The following TACC2 variants were observed in gnomAD, a reference collection of about 807,000 sequenced individuals.
The protein encoded by TACC2 is transforming acidic coiled-coil-containing protein 2.
Under a neutral mutation model 227.3 loss-of-function variants are expected in TACC2, and 137 were observed. The observed-to-expected ratio is 0.60, with a 90% CI of 0.52 to 0.69. TACC2 has a LOEUF of 0.69. TACC2 is among the 30% of genes least tolerant of loss of function. The pLI is 0.00. For missense variants in TACC2, 3,470 were observed against 3,694.4 expected (o/e 0.94, Z 1.57); for synonymous variants, 1,523 against 1,487.5 (o/e 1.02, Z -0.55).
In TACC2 at chr10:122,087,107, C is replaced by T. The variant is rs77105181; in HGVS notation, c.4607C>T (p.Ala1536Val). Residue 1536 changes from alanine to valine, a missense_variant, in exon 4 of 23, where the codon GCA becomes GTA. Ala to Val is a moderately conservative substitution (Grantham distance 64). This residue lies in a region of TACC2 where 1,924 missense variants were observed against 1,978.3 expected (regional missense o/e 0.97). Coordinates refer to ENST00000369005, the MANE Select transcript of TACC2 (RefSeq NM_206862.4). ...REDERPEGPG[A>V]AWPGLEGQAY... ...GACGAGAGGCCAGAGGGGCCTGGGG[C>T]AGCCTGGCCAGGCCTGGAAGGCCAG... 1.2e-3 allele frequency: 1,894 copies of T among 1,609,668 alleles called. 16 individuals are homozygous for T. In the African/African-American group the frequency reaches 0.023, roughly 19 times the overall value.
At chr10:122,216,231 C>T (rs940577442) in intron 10 of TACC2, among the ~76,000 whole-genome samples, 2 of 152,128 alleles carry the variant, frequency 1.3e-5, no homozygotes, top group Admixed American at 1.3e-4. Flanking sequence ...TAAGATCCCC[C>T]TTTTTCTGCC....
At position 122,087,617 on chromosome 10, in the gene TACC2, AG is replaced by A; in HGVS notation, c.5120del (p.Gly1707ValfsTer5). On this transcript the variant is annotated frameshift_variant, in exon 4 of 23. Transcript: ENST00000369005. LOFTEE classifies it high-confidence loss of function. Reference protein sequence around the residue: ...GKVAGAAGEAEGDITLSTAET... With the variant: ...GKVAGAAGEAXGDITLSTAET... ...GTGGCAGGCGCTGCTGGGGAAGCAG[AG>A]GGTGACATCACCCTGAGCACAGCTG... is the stretch of plus-strand genomic sequence containing the variant. The A allele has an allele frequency of 1.9e-6, 3 of 1,613,562 alleles. No individual in the cohort carries two copies. The highest frequency in any genetic ancestry group is 1.1e-5 in the South Asian group (1 of 91,084).
rs187293678 is a variant in TACC2, at chr10:122,135,433, G to A, written c.5699+2699G>A. On this transcript the variant is annotated intron_variant, in intron 6 of 22. Transcript: ENST00000369005. ...AGTTTCATGGCCTTATCTCCTTATGGAAAGACTCAGAACTCTGGGCAGAAT... is the reference window on the plus strand; with the variant it reads ...AGTTTCATGGCCTTATCTCCTTATGAAAAGACTCAGAACTCTGGGCAGAAT... 2.0e-4 allele frequency among the ~76,000 whole-genome samples: 30 copies of A among 152,316 alleles called. 1 individual carries two copies. In the East Asian group the frequency reaches 5.6e-3, roughly 28 times the overall value.
At position 122,230,435 on chromosome 10, in the gene TACC2, G is replaced by A; in HGVS notation, c.8122G>A (p.Ala2708Thr). The stretch of plus-strand genomic sequence containing the variant: ...TTTGGCTTCCCGCAGCCACCAGGAT[G>A]CCAAGGTACCGGTTTGCTGCTGCGT... ...IALASRSHQD[A>T]KREAAHPTDV... Residue 2708 changes from alanine (A) to threonine (T), a missense_variant, in exon 16 of 23, where the codon GCC (alanine) becomes ACC (threonine). By Grantham distance (58) the Ala-to-Thr change is moderately conservative (BLOSUM62 0). Transcript: ENST00000369005. 3 of 1,614,112 alleles carry A rather than the reference G, an allele frequency of 1.9e-6. No homozygotes were observed. The highest frequency in any genetic ancestry group is 2.5e-6 in the Non-Finnish European group (3 of 1,180,012).
At chr10:122,042,095 G>A (rs1170088100) in intron 2 of TACC2, among the ~76,000 whole-genome samples, 3 of 152,046 alleles carry the variant, frequency 2.0e-5, no homozygotes, top group African/African-American at 4.8e-5. Flanking sequence ...ACAGGCGCCC[G>A]CGACCACGCC....
intron 2 of TACC2, among the ~76,000 whole-genome samples, chr10:122,038,079 G>A (rs902066184): frequency 4.6e-5 from 7 of 152,116 alleles, no homozygotes; most frequent in African/African-American, 7.2e-5. Context: ...GCAACATGGC[G>A]AGACCCCTGT....
chr10:122,120,059 C>T (rs576047466), intron 5 of TACC2, among the ~76,000 whole-genome samples: 1 of 152,156 alleles, frequency 6.6e-6, no homozygotes, highest in South Asian at 2.1e-4. Context: ...CCAAAGGATG[C>T]GGAAACAACA....
rs140506481 is a variant in TACC2, at chr10:122,070,056, TAC to T, written c.147-12589_147-12588del. On this transcript the variant is annotated intron_variant, in intron 3 of 22. Coordinates refer to ENST00000369005, the MANE Select transcript of TACC2 (RefSeq NM_206862.4). ...TTTCCCCAGTTTAGATTAATGGGATTACAGAGAGACGATCTCAACAAAATAGA... is the reference window on the plus strand; with the variant it reads ...TTTCCCCAGTTTAGATTAATGGGATTAGAGAGACGATCTCAACAAAATAGA... Among the ~76,000 whole-genome samples, 649 of 152,330 alleles carry T rather than the reference TAC, an allele frequency of 4.3e-3. 5 individuals are homozygous for T. Among genetic ancestry groups the T allele is most frequent in the African/African-American group, 0.015 (629 of 41,572 alleles).
At chr10:122,143,257 A>C (rs1053036860) in intron 6 of TACC2, among the ~76,000 whole-genome samples, 5 of 152,186 alleles carry the variant, frequency 3.3e-5, no homozygotes, top group Non-Finnish European at 7.3e-5. Flanking sequence ...CTCTCCTCTA[A>C]ACAAAAATCA....
At chr10:122,216,454 T>C (rs748493389) in intron 10 of TACC2, among the ~76,000 whole-genome samples, 173 bp from the exon 11 acceptor site, 11 of 151,642 alleles carry the variant, frequency 7.3e-5, no homozygotes, top group Non-Finnish European at 1.5e-4. Flanking sequence ...GAGGGAAGAA[T>C]CTGTGTGTCC....
intron 3 of TACC2, among the ~76,000 whole-genome samples, chr10:122,071,242 A>T (rs892348285): frequency 2.6e-5 from 4 of 152,204 alleles, no homozygotes; most frequent in Non-Finnish European, 4.4e-5. Flanking sequence ...AAAAGTCTGA[A>T]TGATCAGAAA....
chr10:122,114,292 G>A (rs1478301502), intron 5 of TACC2, among the ~76,000 whole-genome samples: 1 of 152,212 alleles, frequency 6.6e-6, no homozygotes, highest in Non-Finnish European at 1.5e-5. Flanking sequence ...CATTTTAAAA[G>A]CCGTTTCCAT....
intron 7 of TACC2, among the ~76,000 whole-genome samples, chr10:122,172,076 G>T (rs1178261994): frequency 6.6e-6 from 1 of 152,092 alleles, no homozygotes; most frequent in Non-Finnish European, 1.5e-5. Flanking sequence ...GTGGGCTCTC[G>T]GTACCTGACA....
At chr10:122,152,832 G>A (rs1483460562) in intron 7 of TACC2, among the ~76,000 whole-genome samples, 5 of 152,136 alleles carry the variant, frequency 3.3e-5, no homozygotes, top group African/African-American at 1.2e-4. Context: ...AGAAAAGGGT[G>A]GAGAGCAACA....
chr10:122,070,860 G>C lies in TACC2; in HGVS notation c.147-11787G>C, dbSNP rs543123904. Among the ~76,000 whole-genome samples, 179 of 152,042 alleles carry C rather than the reference G, an allele frequency of 1.2e-3. 5 individuals carry two copies. The East Asian group carries it at 0.024, about 20-fold the overall frequency. On this transcript the variant is annotated intron_variant, in intron 3 of 22. Transcript: ENST00000369005. ...GAATCACTTGAGCCTGGAGGCAGAG[G>C]TGGCAATGAGCTGAGATTGCACCCC...
At chr10:122,204,248 C>G (rs1332381108) in intron 8 of TACC2, among the ~76,000 whole-genome samples, 2 of 152,074 alleles carry the variant, frequency 1.3e-5, no homozygotes, top group African/African-American at 4.8e-5. Flanking sequence ...AAAGAAAGCA[C>G]TTTTCCAGAG....
chr10:122,020,403 A>G (rs536090722), intron 1 of TACC2, among the ~76,000 whole-genome samples: 1 of 152,112 alleles, frequency 6.6e-6, no homozygotes, highest in South Asian at 2.1e-4. Flanking sequence ...TTAGGAGTGA[A>G]AGAATTGAAT....
At chr10:122,020,477 C>A (rs74646764) in intron 1 of TACC2, among the ~76,000 whole-genome samples, 1 of 152,176 alleles carries the variant, frequency 6.6e-6, no homozygotes, top group African/African-American at 2.4e-5. Flanking sequence ...GTTTGAACCA[C>A]TTCCATTTTA....
chr10:122,004,913 C>T (rs1954874599), intron 1 of TACC2, among the ~76,000 whole-genome samples: 1 of 151,972 alleles, frequency 6.6e-6, no homozygotes, highest in African/African-American at 2.4e-5. Context: ...CCCCTTTTAT[C>T]TAAGAGTTGT....
Sources: gnomAD v4.1 joint callset for allele counts (sites outside exome capture counted in the v4.1 genomes callset) on GRCh38, gnomAD v4.1.1 for gene constraint, gnomAD v4.1.1 regional missense constraint, MANE v1.5 for transcripts, NCBI Gene and HGNC (gene_info 2026-07-23, HGNC 2026-07-21) for gene names.